The following AGBL4 variants were observed in gnomAD, a reference collection of about 807,000 sequenced individuals.
AGBL4 encodes the protein AGBL carboxypeptidase 4.
A neutral mutation model predicts 66.4 loss-of-function variants in AGBL4; 58 were observed. The observed-to-expected ratio is 0.87, with a 90% CI of 0.71 to 1.09. The LOEUF is 1.09. AGBL4 is among the 50% of genes least tolerant of loss of function. The pLI is 0.00. For missense variants in AGBL4, 579 were observed against 631.0 expected (o/e 0.92, Z 0.88); for synonymous variants, 234 against 222.9 (o/e 1.05, Z -0.44).
chr1:48,633,680 C>T (rs116197861), intron 9 of AGBL4, among the ~76,000 whole-genome samples: 2 of 152,160 alleles, frequency 1.3e-5, no homozygotes, highest in African/African-American at 4.8e-5. Flanking sequence ...AATGGTCTGT[C>T]CCCCCATTCT....
chr1:49,659,592 G>A (rs1443714120), intron 3 of AGBL4, among the ~76,000 whole-genome samples: 1 of 152,116 alleles, frequency 6.6e-6, no homozygotes, highest in African/African-American at 2.4e-5. Flanking sequence ...TCAACAAGAA[G>A]TGCTAACCAT....
intron 2 of AGBL4, among the ~76,000 whole-genome samples, chr1:49,847,025 T>A (rs2148053368): frequency 1.3e-5 from 2 of 152,314 alleles, no homozygotes; most frequent in African/African-American, 4.8e-5. Flanking sequence ...TGGCATCAAA[T>A]TACACATACT....
chr1:48,970,698 A>G (rs1167267934), intron 5 of AGBL4, among the ~76,000 whole-genome samples: 2 of 152,190 alleles, frequency 1.3e-5, no homozygotes, highest in Non-Finnish European at 2.9e-5. Flanking sequence ...TCAGAAAAAA[A>G]GCACTTTTCA....
chr1:49,585,088 T>C (rs1035962461), intron 3 of AGBL4, among the ~76,000 whole-genome samples: 2 of 152,238 alleles, frequency 1.3e-5, no homozygotes, highest in African/African-American at 4.8e-5. Context: ...TAATACACAG[T>C]GCTATGCATT....
At chr1:49,986,982 T>C (rs1557641609) in intron 1 of AGBL4, among the ~76,000 whole-genome samples, 1 of 152,016 alleles carries the variant, frequency 6.6e-6, no homozygotes, top group Non-Finnish European at 1.5e-5. Flanking sequence ...CCTAACATCA[T>C]CTATCCCCCA....
At chr1:49,288,124 A>G (rs943706173) in intron 3 of AGBL4, among the ~76,000 whole-genome samples, 19 of 144,204 alleles carry the variant, frequency 1.3e-4, no homozygotes, top group Non-Finnish European at 2.1e-4. Context: ...ACAAAAAACC[A>G]AACACCACAT....
intron 2 of AGBL4, among the ~76,000 whole-genome samples, chr1:49,839,144 C>A (rs1645926298): frequency 6.6e-6 from 1 of 152,014 alleles, no homozygotes; most frequent in Admixed American, 6.6e-5. Flanking sequence ...GTTAAGAAAG[C>A]AGAGAAAATA....
intron 4 of AGBL4, among the ~76,000 whole-genome samples, chr1:49,163,396 G>A (rs542700717): frequency 1.9e-4 from 29 of 152,150 alleles, no homozygotes; most frequent in Non-Finnish European, 1.5e-4. Flanking sequence ...GTCACCTAAC[G>A]TTTGGTAGAT....
Position 49,486,309 on chromosome 1 carries a change from A to T in AGBL4, c.282+211004T>A, listed in dbSNP as rs1216350656. Among the ~76,000 whole-genome samples the T allele has an allele frequency of 2.0e-5, 3 of 152,020 alleles. 1 individual carries two copies. The highest frequency in any genetic ancestry group is 4.4e-5 in the Non-Finnish European group (3 of 67,976). The stretch of plus-strand genomic sequence containing the variant: ...ATGTCATCATATGTATTGTTCTTTT[A>T]AAATAATAACCATCAACAACTTAAT... On this transcript the variant is annotated intron_variant, in intron 3 of 13. Transcript: ENST00000371839.
chr1:48,716,040 A>C (rs1647044815), intron 6 of AGBL4, among the ~76,000 whole-genome samples: 3 of 152,180 alleles, frequency 2.0e-5, no homozygotes, highest in Admixed American at 2.0e-4. Flanking sequence ...CTTGATGGAC[A>C]TGTTTATCCC....
At chr1:48,818,542 G>T (rs535872174) in intron 6 of AGBL4, among the ~76,000 whole-genome samples, 1 of 152,238 alleles carries the variant, frequency 6.6e-6, no homozygotes, top group South Asian at 2.1e-4. Context: ...TATGCACAAA[G>T]ATGCCTGTGA....
chr1:49,308,762 T>C (rs1480457646), intron 3 of AGBL4, among the ~76,000 whole-genome samples: 1 of 152,138 alleles, frequency 6.6e-6, no homozygotes, highest in Non-Finnish European at 1.5e-5. Flanking sequence ...TTATAGGATG[T>C]AGTCTGGAAA....
At chr1:49,672,580 A>G (rs1414040892) in intron 3 of AGBL4, among the ~76,000 whole-genome samples, 2 of 1,436 alleles carry the variant, frequency 1.4e-3, no homozygotes, top group African/African-American at 6.7e-3. Context: ...TCAATAATAT[A>G]CAAAACAAAA....
At chr1:48,664,947 ATAAT>A (rs1234765861) in intron 6 of AGBL4, among the ~76,000 whole-genome samples, 2 of 152,248 alleles carry the variant, frequency 1.3e-5, no homozygotes, top group African/African-American at 4.8e-5. Context: ...GAGAATAGAA[ATAAT>A]TAATAGGATT....
At chr1:48,726,399 C>T (rs1310545744) in intron 6 of AGBL4, among the ~76,000 whole-genome samples, 1 of 152,122 alleles carries the variant, frequency 6.6e-6, no homozygotes, top group Non-Finnish European at 1.5e-5. Context: ...CCTGAGCTTC[C>T]CCATGCCCTT....
chr1:49,134,869 T>C (rs567067983), intron 4 of AGBL4, among the ~76,000 whole-genome samples: 5 of 152,116 alleles, frequency 3.3e-5, no homozygotes, highest in Non-Finnish European at 7.4e-5. Flanking sequence ...GTGATAAATG[T>C]CCATGAAATT....
At chr1:49,418,895 G>A (rs1449158715) in intron 3 of AGBL4, among the ~76,000 whole-genome samples, 1 of 152,152 alleles carries the variant, frequency 6.6e-6, no homozygotes, top group Non-Finnish European at 1.5e-5. Context: ...GACATTAACA[G>A]ATTTAAAAAA....
intron 1 of AGBL4, among the ~76,000 whole-genome samples, chr1:50,019,511 A>C (rs1328305165): frequency 6.6e-6 from 1 of 151,998 alleles, no homozygotes. Context: ...CACTAACACA[A>C]GCTATCAAAC....
chr1:48,556,319 A>T (rs1644320360), intron 11 of AGBL4, among the ~76,000 whole-genome samples: 1 of 152,122 alleles, frequency 6.6e-6, no homozygotes, highest in Non-Finnish European at 1.5e-5. Flanking sequence ...CTGACGGGCC[A>T]GCTGGCCTGT....
Sources: allele counts gnomAD v4.1 joint callset (sites outside exome capture counted in the v4.1 genomes callset), GRCh38; gene constraint gnomAD v4.1.1; transcripts MANE v1.5; gene names NCBI Gene and HGNC (gene_info 2026-07-23, HGNC 2026-07-21).